Variants in CD2AP observed in about 807,000 individuals in gnomAD.
CD2AP encodes the protein CD2-associated protein.
A neutral mutation model predicts 85.1 loss-of-function variants in CD2AP; 46 were observed. The ratio of observed to expected loss-of-function variants is 0.54; its 90% CI spans 0.43 to 0.69. The LOEUF is 0.69. Among genes scored for constraint, CD2AP ranks in the 30% least tolerant of loss-of-function variants. CD2AP has a pLI of 0.00. For synonymous variants in CD2AP, 255 were observed against 252.9 expected (o/e 1.01, Z -0.08); for missense variants, 769 against 729.5 (o/e 1.05, Z -0.62).
chr6:47,570,174 A>G (rs557507119), intron 5 of CD2AP, among the ~76,000 whole-genome samples: 1 of 151,484 alleles, frequency 6.6e-6, no homozygotes, highest in East Asian at 1.9e-4. Flanking sequence ...TGCAGTTCAC[A>G]TGTGGTTTCT....
At chr6:47,553,782 G>A (rs1037334644) in intron 4 of CD2AP, among the ~76,000 whole-genome samples, 12 of 152,038 alleles carry the variant, frequency 7.9e-5, no homozygotes, top group African/African-American at 2.7e-4. Flanking sequence ...ATTGGTAAGT[G>A]TAAATGTTTT....
intron 17 of CD2AP, among the ~76,000 whole-genome samples, chr6:47,615,426 G>T (rs1251198012): frequency 6.6e-6 from 1 of 152,096 alleles, no homozygotes; most frequent in African/African-American, 2.4e-5. Context: ...CTGTATAGGA[G>T]GAAGCATGGT....
At chr6:47,556,296 T>G (rs973882550) in intron 5 of CD2AP, among the ~76,000 whole-genome samples, 4 of 151,052 alleles carry the variant, frequency 2.6e-5, no homozygotes, top group African/African-American at 9.7e-5. Context: ...CACCTCCCAT[T>G]TATGAATGAG....
Position 47,612,494 on chromosome 6 carries a change from A to G in CD2AP, c.1836A>G (p.Arg612=). 1 of 1,606,780 alleles carries G rather than the reference A, an allele frequency of 6.2e-7. No homozygotes were observed. Among genetic ancestry groups the G allele is most frequent in the South Asian group, 1.1e-5 (1 of 90,922 alleles). Reference sequence around the variant, plus strand: ...TTAGGAAAGAACTGGAAAAACTGCGAAAAGATTTGGAAGAAGAGAAGACAA... The same window carrying G: ...TTAGGAAAGAACTGGAAAAACTGCGGAAAGATTTGGAAGAAGAGAAGACAA... ...KDHGKELEKL[R]KDLEEEKTMR... The change falls in exon 17 of 18, where the codon CGA becomes CGG. Residue 612 remains arginine, a synonymous_variant. Transcript: ENST00000359314.
At chr6:47,544,097 A>G (rs542489989) in intron 3 of CD2AP, among the ~76,000 whole-genome samples, 1 of 137,254 alleles carries the variant, frequency 7.3e-6, no homozygotes, top group South Asian at 2.5e-4. Flanking sequence ...AAGTAAAATT[A>G]TCTTCAAATA....
intron 17 of CD2AP, among the ~76,000 whole-genome samples, chr6:47,613,891 C>T (rs1769510772): frequency 6.6e-6 from 1 of 152,202 alleles, no homozygotes; most frequent in African/African-American, 2.4e-5. Context: ...CTTGCTGCAG[C>T]TTCTACATTA....
intron 1 of CD2AP, among the ~76,000 whole-genome samples, chr6:47,502,362 T>G (rs1342955200): frequency 3.3e-5 from 5 of 152,168 alleles, no homozygotes; most frequent in African/African-American, 1.2e-4. Context: ...ACCAATGCCT[T>G]GACCTCCTGG....
intron 17 of CD2AP, among the ~76,000 whole-genome samples, chr6:47,621,737 T>C (rs1561837063): frequency 6.6e-6 from 1 of 152,216 alleles, no homozygotes; most frequent in Non-Finnish European, 1.5e-5. Flanking sequence ...TATTGGCCTG[T>C]TCAGGATCTC....
intron 11 of CD2AP, among the ~76,000 whole-genome samples, chr6:47,583,265 C>T (rs935052387): frequency 6.6e-6 from 1 of 152,178 alleles, no homozygotes; most frequent in Admixed American, 6.5e-5. Context: ...TACATTGACA[C>T]TTCTTTATCA....
intron 5 of CD2AP, among the ~76,000 whole-genome samples, chr6:47,571,730 G>T (rs1768158370): frequency 6.6e-6 from 1 of 152,062 alleles, no homozygotes; most frequent in Non-Finnish European, 1.5e-5. Context: ...GCAATTTCTG[G>T]TATGCTTATA....
chr6:47,599,590 C>A, intron 13 of CD2AP, 147 bp downstream of exon 13: 1 of 755,824 alleles, frequency 1.3e-6, no homozygotes, highest in Non-Finnish European at 2.2e-6. Flanking sequence ...ATTTAGCAGC[C>A]AAAGTAGAAA....
Position 47,477,917 on chromosome 6 carries a change from G to A in CD2AP, c.-328G>A. On this transcript the variant is annotated 5_prime_UTR_variant, in exon 1 of 18. Transcript: ENST00000359314. ...TTGGAGCCGAGGGTCTGGGCAAACCGGTGGGTCCCTCCCCACTGCGGGAGC... is the reference window on the plus strand; with the variant it reads ...TTGGAGCCGAGGGTCTGGGCAAACCAGTGGGTCCCTCCCCACTGCGGGAGC... 2.1e-6 allele frequency: 1 copy of A among 466,608 alleles called. No homozygotes were observed. Among genetic ancestry groups the A allele is most frequent in the Non-Finnish European group, 3.8e-6 (1 of 260,386 alleles). 28.9% of individuals were successfully genotyped at this position (466,608 alleles called of 1,614,324 possible).
rs537111345 is a variant in CD2AP, at chr6:47,513,872, C to CT, written c.165+10435dup. Among the ~76,000 whole-genome samples the CT allele has an allele frequency of 5.2e-5, 7 of 135,246 alleles. No individual in the cohort carries two copies. The South Asian group carries it at 1.6e-3, about 31-fold the overall frequency. The allele number at this position is 135,246 out of a possible 152,430, so 88.7% of individuals were successfully genotyped here. ...TTTAAAAACGTCTGATACCATCAGA[C>CT]TTTAAAAAAAATTTTTTTTTGGGGG... On this transcript the variant is annotated intron_variant, in intron 2 of 17. Coordinates refer to ENST00000359314, the MANE Select transcript of CD2AP (RefSeq NM_012120.3).
At chr6:47,603,170 G>A (rs973036244) in intron 13 of CD2AP, among the ~76,000 whole-genome samples, 2 of 151,828 alleles carry the variant, frequency 1.3e-5, no homozygotes, top group Non-Finnish European at 2.9e-5. Flanking sequence ...GTTTCTAATA[G>A]TTTCCTTGAT....
chr6:47,581,892 C>T (rs1768490377), intron 10 of CD2AP, 111 bp from the exon 11 acceptor site: 5 of 745,376 alleles, frequency 6.7e-6, no homozygotes, highest in Non-Finnish European at 1.2e-5. Context: ...TCTATTAAAC[C>T]ATGGTTTCAT....
chr6:47,501,141 C>G (rs1030911799), intron 1 of CD2AP, among the ~76,000 whole-genome samples: 9 of 152,158 alleles, frequency 5.9e-5, no homozygotes, highest in Admixed American at 2.0e-4. Context: ...GATCCTAGCA[C>G]TTTGGGAGGG....
At position 47,597,519 on chromosome 6, in the gene CD2AP, G is replaced by C. The variant is rs1028516407; in HGVS notation, c.1274+1493G>C. ...GGAAAGCTAGAGCACCAGGACACTTGAGCAGGAGATTGAACATCTTAGTGA... is the reference window on the plus strand; with the variant it reads ...GGAAAGCTAGAGCACCAGGACACTTCAGCAGGAGATTGAACATCTTAGTGA... On this transcript the variant is annotated intron_variant, in intron 12 of 17. Coordinates refer to ENST00000359314, the MANE Select transcript of CD2AP (RefSeq NM_012120.3). 4.6e-5 allele frequency among the ~76,000 whole-genome samples: 7 copies of C among 151,094 alleles called. No individual in the cohort carries two copies. In the East Asian group the frequency reaches 1.2e-3, roughly 25 times the overall value.
intron 5 of CD2AP, among the ~76,000 whole-genome samples, chr6:47,566,054 C>T (rs992993188): frequency 1.3e-5 from 2 of 151,936 alleles, no homozygotes. Context: ...CTCTCACAGC[C>T]TTTGTGCTTG....
At chr6:47,574,015 C>A (rs377722480) in intron 5 of CD2AP, 49 bp from the exon 6 acceptor site, 2 of 1,477,104 alleles carry the variant, frequency 1.4e-6, no homozygotes, top group South Asian at 1.1e-5. Flanking sequence ...GGATGTCAAG[C>A]GTTTTGTGAT....
Sources: allele counts gnomAD v4.1 joint callset (sites outside exome capture counted in the v4.1 genomes callset), GRCh38; gene constraint gnomAD v4.1.1; transcripts MANE v1.5; gene names NCBI Gene and HGNC (gene_info 2026-07-23, HGNC 2026-07-21).